The following USP9Y variants were observed in gnomAD, a reference collection of about 807,000 sequenced individuals.
USP9Y encodes ubiquitin specific peptidase 9 Y-linked, also known as ubiquitin carboxyl-terminal hydrolase 9Y.
In USP9Y, 41 loss-of-function variants were observed where a neutral mutation model predicts 53.1. The observed-to-expected ratio is 0.77, with a 90% confidence interval of 0.60 to 1.00. The LOEUF is 1.00. Among genes scored for constraint, USP9Y ranks in the 50% least tolerant of loss-of-function variants. The pLI, the probability that USP9Y is intolerant of heterozygous loss-of-function variation, is 0.00. For missense variants in USP9Y, 567 were observed against 535.8 expected (o/e 1.06, Z -0.58); for synonymous variants, 220 against 173.7 (o/e 1.27, Z -2.09).
intron 33 of USP9Y, among the ~76,000 whole-genome samples, chrY:12,824,874 G>A (rs1026585106): frequency 3.1e-5 from 1 of 32,528 alleles, no homozygotes; most frequent in African/African-American, 1.2e-4. Context: ...AACTACATAC[G>A]TGGTGTGATA....
At chrY:12,853,448 C>T in intron 42 of USP9Y, among the ~76,000 whole-genome samples, 2 of 33,809 alleles carry the variant, frequency 5.9e-5, no homozygotes, top group African/African-American at 1.2e-4. Context: ...GTCACAGCTT[C>T]CCTTGGCTAA....
chrY:12,813,310 C>G, intron 31 of USP9Y, among the ~76,000 whole-genome samples: 1 of 33,246 alleles, frequency 3.0e-5, no homozygotes, highest in Non-Finnish European at 7.4e-5. Flanking sequence ...TGAAATAAAA[C>G]CAAAACTTCA....
intron 42 of USP9Y, among the ~76,000 whole-genome samples, chrY:12,849,549 T>A: frequency 3.3e-5 from 1 of 30,560 alleles, no homozygotes; most frequent in African/African-American, 1.3e-4. Flanking sequence ...ATGCTTCCAG[T>A]TTTTGCCCAT....
chrY:12,774,565 A>G, intron 17 of USP9Y, among the ~76,000 whole-genome samples: 2 of 32,312 alleles, frequency 6.2e-5, no homozygotes. Context: ...TCTTTTTTAT[A>G]TAAGATAGAT....
In USP9Y at chrY:12,842,111, A is replaced by G; in HGVS notation, c.6213-129A>G. On this transcript the variant is annotated intron_variant, in intron 37 of 45. Transcript: ENST00000338981. Reference sequence around the variant, plus strand: ...TTATCAATCTGATATTTGTACTAAAACCAACTGACCGTTAATTGGAGAGAA... The same window carrying G: ...TTATCAATCTGATATTTGTACTAAAGCCAACTGACCGTTAATTGGAGAGAA... 1.6e-5 allele frequency: 3 copies of G among 190,751 alleles called. No homozygotes were observed. The Admixed American group carries it at 2.8e-4, about 18-fold the overall frequency. The allele number at this position is 190,751 out of a possible 400,897, so 47.6% of individuals were successfully genotyped here.
At chrY:12,704,679 A>G in intron 1 of USP9Y, among the ~76,000 whole-genome samples, 3 of 33,505 alleles carry the variant, frequency 9.0e-5, no homozygotes, top group Non-Finnish European at 1.5e-4. Flanking sequence ...CTAGTTATAA[A>G]TCTGTTCAGA....
chrY:12,808,482 C>T (rs759936967), intron 27 of USP9Y, among the ~76,000 whole-genome samples: 1 of 33,519 alleles, frequency 3.0e-5, no homozygotes, highest in Non-Finnish European at 7.4e-5. Context: ...CAAGACTTTC[C>T]TACCATTTTA....
intron 27 of USP9Y, among the ~76,000 whole-genome samples, chrY:12,795,588 C>T: frequency 3.0e-5 from 1 of 33,273 alleles, no homozygotes; most frequent in Admixed American, 2.7e-4. Flanking sequence ...ACCAAAAGCA[C>T]GGCTACTCCA....
chrY:12,804,125 G>A, intron 27 of USP9Y, among the ~76,000 whole-genome samples: 1 of 33,313 alleles, frequency 3.0e-5, no homozygotes, highest in Non-Finnish European at 7.4e-5. Context: ...TCCTGGTCTC[G>A]GGTGTCATGC....
At chrY:12,767,606 C>CTGTG (rs199662654) in intron 15 of USP9Y, among the ~76,000 whole-genome samples, 65 of 26,641 alleles carry the variant, frequency 2.4e-3, no homozygotes, top group Middle Eastern at 0.03. Flanking sequence ...GTGTGTGTAT[C>CTGTG]TGTGTGTGTG....
chrY:12,740,595 C>T (rs2053456527), intron 12 of USP9Y, among the ~76,000 whole-genome samples: 1 of 33,278 alleles, frequency 3.0e-5, no homozygotes, highest in African/African-American at 1.2e-4. Context: ...GACTACACCC[C>T]AGATGTGTTA....
At chrY:12,804,731 G>A in intron 27 of USP9Y, among the ~76,000 whole-genome samples, 4 of 32,951 alleles carry the variant, frequency 1.2e-4, no homozygotes, top group East Asian at 1.6e-3. Flanking sequence ...AGGCCGGGGC[G>A]GGTGGATCAC....
chrY:12,857,608 C>T lies in USP9Y; in HGVS notation c.7477C>T (p.Pro2493Ser). 2.6e-6 allele frequency: 1 copy of T among 387,932 alleles called. No individual in the cohort carries two copies. The highest frequency in any genetic ancestry group is 3.6e-6 in the Non-Finnish European group (1 of 277,508). The change falls in exon 45 of 46, where the codon CCA (proline) becomes TCA (serine). Residue 2493 changes from proline to serine, a missense_variant. By Grantham distance (74) the Pro-to-Ser change is moderately conservative (BLOSUM62 -1). Coordinates refer to ENST00000338981, the MANE Select transcript of USP9Y (RefSeq NM_004654.4). ...TGCCCCAGATGAGCATGAGCCCTCTCCATCAGAAGATGCCCCATTATATCC... is the reference window on the plus strand; with the variant it reads ...TGCCCCAGATGAGCATGAGCCCTCTTCATCAGAAGATGCCCCATTATATCC... ...QDAPDEHEPS[P>S]SEDAPLYPHS...
chrY:12,719,657 G>A (rs2053433425), intron 3 of USP9Y, among the ~76,000 whole-genome samples: 1 of 32,925 alleles, frequency 3.0e-5, no homozygotes, highest in African/African-American at 1.2e-4. Flanking sequence ...CATTACTTCA[G>A]TATCCTATCC....
At chrY:12,703,358 G>T in intron 1 of USP9Y, among the ~76,000 whole-genome samples, 8 of 33,749 alleles carry the variant, frequency 2.4e-4, no homozygotes, top group African/African-American at 9.3e-4. Context: ...GAGTGTTATA[G>T]CTCTTAAAGA....
At position 12,843,192 on chromosome Y, in the gene USP9Y, A is replaced by G; in HGVS notation, c.6567A>G (p.Leu2189=). The change falls in exon 39 of 46, where the codon TTA becomes TTG. Residue 2189 remains leucine, a splice_region_variant and synonymous_variant. Coordinates refer to ENST00000338981, the MANE Select transcript of USP9Y (RefSeq NM_004654.4). ...YFNLFVMYAN[L]GVAEKTQLLK... ...ATTTGTTTGTAATGTATGCCAATTT[A>G]GGTAAGAATTTTTCACAACTATATT... 7.9e-6 allele frequency: 3 copies of G among 378,150 alleles called. No homozygotes were observed. The highest frequency in any genetic ancestry group is 1.1e-5 in the Non-Finnish European group (3 of 266,724). 94.3% of individuals were successfully genotyped at this position (378,150 alleles called of 400,897 possible).
chrY:12,753,957 T>G (rs2053466170), intron 12 of USP9Y, among the ~76,000 whole-genome samples: 1 of 32,225 alleles, frequency 3.1e-5, no homozygotes, highest in Non-Finnish European at 7.5e-5. Flanking sequence ...GTATTGCTCT[T>G]TTTTTGTAGT....
Position 12,857,568 on chromosome Y carries a change from G to A in USP9Y, c.7437G>A (p.Glu2479=). 1 of 382,328 alleles carries A rather than the reference G, an allele frequency of 2.6e-6. No homozygotes were observed. Among genetic ancestry groups the A allele is most frequent in the South Asian group, 3.2e-5 (1 of 31,239 alleles). Residue 2479 remains glutamate, a splice_region_variant and synonymous_variant, in exon 45 of 46, where the codon GAG becomes GAA. Coordinates refer to ENST00000338981, the MANE Select transcript of USP9Y (RefSeq NM_004654.4). ...TCTCTTTAAATATTTAAAATTAGGA[G>A]CCAGATGACCAGGATGCCCCAGATG... ...AKACELCPEE[E]PDDQDAPDEH... is the part of the protein sequence containing the mutation.
intron 15 of USP9Y, among the ~76,000 whole-genome samples, chrY:12,765,101 T>C: frequency 3.0e-5 from 1 of 33,769 alleles, no homozygotes; most frequent in South Asian, 6.6e-4. Flanking sequence ...ATATTTTATA[T>C]ATTCATGCAT....
Sources: gnomAD v4.1 joint callset for allele counts (sites outside exome capture counted in the v4.1 genomes callset) on GRCh38, gnomAD v4.1.1 for gene constraint, MANE v1.5 for transcripts, NCBI Gene and HGNC (gene_info 2026-07-23, HGNC 2026-07-21) for gene names.